Variants in CTNNA3 observed in about 807,000 individuals in gnomAD.
CTNNA3 encodes catenin alpha 3, also known as catenin alpha-3.
CTNNA3 carries 76 observed loss-of-function variants against 95.7 expected under a neutral mutation model. The observed-to-expected ratio is 0.79, with a 90% CI of 0.66 to 0.96. The LOEUF is 0.96. Among genes scored for constraint, CTNNA3 ranks in the 40% least tolerant of loss-of-function variants. The probability of loss-of-function intolerance (pLI) is 0.00; values close to 1 mark genes in which losing one functional copy is unlikely to be tolerated. For missense variants in CTNNA3, 1,191 were observed against 1,089.8 expected (o/e 1.09, Z -1.31); for synonymous variants, 431 against 374.4 (o/e 1.15, Z -1.74).
rs959286316 is a variant in CTNNA3 at position 66,155,129 on chromosome 10, G to C, written c.1885-51880C>G. Among the ~76,000 whole-genome samples the C allele has an allele frequency of 2.8e-4, 42 of 151,734 alleles. 2 individuals carry two copies. Among genetic ancestry groups the C allele is most frequent in the Admixed American group, 6.6e-5 (1 of 15,162 alleles). On this transcript the variant is annotated intron_variant, in intron 13 of 17. Coordinates refer to ENST00000433211, the MANE Select transcript of CTNNA3 (RefSeq NM_013266.4). ...GTATAGTGTGAAACAATTCCAATTT[G>C]CCATTGAACTTCTCCAGCATTCTTT...
At chr10:67,066,676 A>G (rs768387421) in intron 7 of CTNNA3, among the ~76,000 whole-genome samples, 5 of 152,192 alleles carry the variant, frequency 3.3e-5, no homozygotes, top group Non-Finnish European at 7.3e-5. Context: ...CTCATCTTGA[A>G]TAATTGTTAA....
At chr10:67,685,773 C>T (rs1840719803) in intron 1 of CTNNA3, among the ~76,000 whole-genome samples, 1 of 152,106 alleles carries the variant, frequency 6.6e-6, no homozygotes, top group South Asian at 2.1e-4. Flanking sequence ...CTCTTTCTCC[C>T]TCTTTGATTT....
chr10:67,278,571 T>C (rs1243202652), intron 5 of CTNNA3, among the ~76,000 whole-genome samples: 1 of 152,152 alleles, frequency 6.6e-6, no homozygotes, highest in African/African-American at 2.4e-5. Context: ...AGACCAAGTT[T>C]TATTGTGCAG....
At chr10:66,191,302 G>C (rs535502765) in intron 13 of CTNNA3, among the ~76,000 whole-genome samples, 1 of 152,060 alleles carries the variant, frequency 6.6e-6, no homozygotes, top group South Asian at 2.1e-4. Context: ...AATCCTTCTG[G>C]ATTTACAACC....
chr10:67,493,688 T>C (rs930007142), intron 5 of CTNNA3, among the ~76,000 whole-genome samples: 5 of 152,122 alleles, frequency 3.3e-5, no homozygotes, highest in Non-Finnish European at 7.4e-5. Context: ...TTAATGGAAA[T>C]AGAACACCAG....
rs1422176316 is a variant in CTNNA3, at chr10:67,117,117, GAAC to G, written c.1047+63197_1047+63199del. On this transcript the variant is annotated intron_variant, in intron 7 of 17. Transcript: ENST00000433211. ...AACCTAAGCCAGGCTGCCATGAATT[GAAC>G]AACAGAGAAAAACAGCCCTGGGTCT... Among the ~76,000 whole-genome samples the G allele has an allele frequency of 3.3e-5, 5 of 152,056 alleles. No homozygotes were observed. The East Asian group carries it at 9.7e-4, about 29-fold the overall frequency.
intron 15 of CTNNA3, among the ~76,000 whole-genome samples, chr10:66,041,291 G>T (rs570450249): frequency 6.6e-6 from 1 of 152,304 alleles, no homozygotes; most frequent in Admixed American, 6.5e-5. Flanking sequence ...GATTGGAGGA[G>T]CCAAAGGAGA....
intron 14 of CTNNA3, among the ~76,000 whole-genome samples, chr10:66,096,142 T>C (rs1265937071): frequency 6.6e-6 from 1 of 152,218 alleles, no homozygotes. Context: ...CAATTAGAAC[T>C]AGCAGATTCA....
chr10:66,780,679 TCC>T (rs1840498509), intron 7 of CTNNA3, among the ~76,000 whole-genome samples: 1 of 152,224 alleles, frequency 6.6e-6, no homozygotes. Flanking sequence ...GATGGTATGA[TCC>T]TTGAAATATA....
At chr10:66,777,793 ACACATG>A (rs1299486694) in intron 7 of CTNNA3, among the ~76,000 whole-genome samples, 2 of 116,528 alleles carry the variant, frequency 1.7e-5, no homozygotes, top group East Asian at 2.5e-4. Flanking sequence ...ACACACACAC[ACACATG>A]CACACACACA....
At chr10:66,183,368 A>G (rs1402625600) in intron 13 of CTNNA3, among the ~76,000 whole-genome samples, 1 of 152,202 alleles carries the variant, frequency 6.6e-6, no homozygotes, top group Non-Finnish European at 1.5e-5. Context: ...ACCTCAATCA[A>G]TAAAATCCAA....
chr10:67,369,335 T>G (rs536308348), intron 5 of CTNNA3, among the ~76,000 whole-genome samples: 2 of 152,280 alleles, frequency 1.3e-5, no homozygotes, highest in South Asian at 4.1e-4. Context: ...AAAAATTAAA[T>G]AAGATTGAAT....
At chr10:67,594,617 G>A (rs1161098610) in intron 3 of CTNNA3, among the ~76,000 whole-genome samples, 1 of 151,490 alleles carries the variant, frequency 6.6e-6, no homozygotes, top group African/African-American at 2.4e-5. Context: ...TTTTATTTCT[G>A]ATTGTGTTTA....
chr10:67,149,402 G>A (rs1236174472), intron 7 of CTNNA3, among the ~76,000 whole-genome samples: 1 of 151,972 alleles, frequency 6.6e-6, no homozygotes, highest in African/African-American at 2.4e-5. Context: ...TGGCTAACAC[G>A]GTGAAACCCC....
chr10:66,000,477 T>G (rs1373660105), intron 15 of CTNNA3, among the ~76,000 whole-genome samples: 2 of 152,194 alleles, frequency 1.3e-5, no homozygotes, highest in African/African-American at 4.8e-5. Flanking sequence ...ATTTGGTAGT[T>G]TCTGCTATTG....
chr10:66,092,622 C>T (rs1457339226), intron 14 of CTNNA3, among the ~76,000 whole-genome samples: 1 of 151,942 alleles, frequency 6.6e-6, no homozygotes, highest in Admixed American at 6.6e-5. Context: ...AAGTAAGTCA[C>T]ATATATCACA....
chr10:67,245,835 A>G (rs1461132434), intron 5 of CTNNA3, among the ~76,000 whole-genome samples: 3 of 147,394 alleles, frequency 2.0e-5, no homozygotes, highest in Non-Finnish European at 3.0e-5. Flanking sequence ...AGCCTGGGTG[A>G]CAGTGCGAGA....
At chr10:66,226,619 C>A (rs975363068) in intron 13 of CTNNA3, among the ~76,000 whole-genome samples, 2 of 149,538 alleles carry the variant, frequency 1.3e-5, no homozygotes, top group African/African-American at 4.9e-5. Context: ...ATGGAAATTG[C>A]ATTAAACCTG....
intron 5 of CTNNA3, among the ~76,000 whole-genome samples, chr10:67,473,597 T>C (rs1847906621): frequency 6.6e-6 from 1 of 152,180 alleles, no homozygotes; most frequent in Non-Finnish European, 1.5e-5. Context: ...AAGAGGCTCA[T>C]TAAATTACAC....
Sources: allele counts gnomAD v4.1 joint callset (sites outside exome capture counted in the v4.1 genomes callset), GRCh38; gene constraint gnomAD v4.1.1; transcripts MANE v1.5; gene names NCBI Gene and HGNC (gene_info 2026-07-23, HGNC 2026-07-21).